ARHGEF10L: variants seen among roughly 807,000 people sequenced by gnomAD.
ARHGEF10L encodes rho guanine nucleotide exchange factor 10-like protein.
In ARHGEF10L, 69 loss-of-function variants were observed where a neutral mutation model predicts 141.2. That is an observed-to-expected ratio of 0.49 (90% CI 0.40 to 0.60). The LOEUF (loss-of-function observed/expected upper bound fraction) is 0.60. ARHGEF10L is among the 20% of genes least tolerant of loss of function. The probability of loss-of-function intolerance (pLI) is 0.00; values close to 1 mark genes in which losing one functional copy is unlikely to be tolerated. For missense variants in ARHGEF10L, 1,482 were observed against 1,734.3 expected (o/e 0.85, Z 2.58); for synonymous variants, 711 against 718.5 (o/e 0.99, Z 0.17).
chr1:17,645,524 G>T (rs1419867686), intron 21 of ARHGEF10L, among the ~76,000 whole-genome samples: 1 of 152,154 alleles, frequency 6.6e-6, no homozygotes, highest in Non-Finnish European at 1.5e-5. Flanking sequence ...AGGTTGTGGG[G>T]TGAGGAATTG....
At chr1:17,571,446 A>C (rs1207823262) in intron 1 of ARHGEF10L, among the ~76,000 whole-genome samples, 2 of 152,166 alleles carry the variant, frequency 1.3e-5, no homozygotes, top group Non-Finnish European at 2.9e-5. Context: ...TCCTCGGGGA[A>C]GTCTTGTAAA....
At chr1:17,635,119 C>T (rs565224861) in intron 18 of ARHGEF10L, 103 bp downstream of exon 18, 1 of 1,407,644 alleles carries the variant, frequency 7.1e-7, no homozygotes, top group Non-Finnish European at 9.7e-7. Context: ...GGGACCCCTA[C>T]ATAGGCTGAT....
At chr1:17,534,712 C>T (rs1401340044), upstream of ARHGEF10L, among the ~76,000 whole-genome samples, 1 of 151,758 alleles carries the variant, frequency 6.6e-6, no homozygotes, top group Non-Finnish European at 1.5e-5. Context: ...GCCTCAGCCT[C>T]CCTAGTAGCT....
At chr1:17,610,075 C>T (rs537923107) in intron 7 of ARHGEF10L, among the ~76,000 whole-genome samples, 3 of 152,176 alleles carry the variant, frequency 2.0e-5, no homozygotes, top group African/African-American at 4.8e-5. Context: ...GGAAACCATG[C>T]GTGTCTCTCA....
intron 22 of ARHGEF10L, among the ~76,000 whole-genome samples, chr1:17,652,765 G>A (rs1201031323): frequency 1.3e-5 from 2 of 152,134 alleles, no homozygotes; most frequent in African/African-American, 4.8e-5. Context: ...CTGGGGACAG[G>A]GCCTTGGGGA....
chr1:17,637,691 A>C (rs2061087476), intron 18 of ARHGEF10L, among the ~76,000 whole-genome samples, 197 bp from the exon 19 acceptor site: 1 of 152,110 alleles, frequency 6.6e-6, no homozygotes. Flanking sequence ...TTTTTAGTAC[A>C]GACGGGGTTT....
At chr1:17,527,381 C>G in the ARHGEF10L span, among the ~76,000 whole-genome samples, 1 of 152,198 alleles carries the variant, frequency 6.6e-6, no homozygotes, top group Non-Finnish European at 1.5e-5. Flanking sequence ...GCTCCACACA[C>G]AATTCTGAGA....
Position 17,656,833 on chromosome 1 carries a change from C to A in ARHGEF10L, c.2860+125C>A. 8.1e-7 allele frequency: 1 copy of A among 1,241,984 alleles called. No homozygotes were observed. The highest frequency in any genetic ancestry group is 1.1e-6 in the Non-Finnish European group (1 of 914,742). 76.9% of individuals were successfully genotyped at this position (1,241,984 alleles called of 1,614,324 possible). On this transcript the variant is annotated intron_variant, in intron 25 of 28. Transcript: ENST00000361221. The surrounding 1 kb of genome is among the most constrained non-coding windows in gnomAD (Gnocchi z 4.9). Reference sequence around the variant, plus strand: ...AATTGGGAAATCTCAGTGCTGAGGGCATTTGGAGATCCGTGAGCCCCGCTG... The same window carrying A: ...AATTGGGAAATCTCAGTGCTGAGGGAATTTGGAGATCCGTGAGCCCCGCTG...
chr1:17,576,152 G>T (rs1041268176), intron 1 of ARHGEF10L, among the ~76,000 whole-genome samples: 23 of 152,162 alleles, frequency 1.5e-4, no homozygotes, highest in African/African-American at 5.3e-4. Context: ...GAGGGATGGG[G>T]CAGCTTGATG....
At chr1:17,591,204 C>T (rs1222999156) in intron 4 of ARHGEF10L, among the ~76,000 whole-genome samples, 2 of 152,182 alleles carry the variant, frequency 1.3e-5, no homozygotes, top group African/African-American at 4.8e-5. Context: ...TGGTGCTGTG[C>T]TGAGCCACAG....
chr1:17,597,359 C>T (rs1570750025), intron 4 of ARHGEF10L, among the ~76,000 whole-genome samples: 1 of 152,114 alleles, frequency 6.6e-6, no homozygotes, highest in Non-Finnish European at 1.5e-5. Flanking sequence ...TGCGTGGCTT[C>T]CATGGACAGC....
In ARHGEF10L at chr1:17,665,611, G is replaced by A. The variant is rs1257770761; in HGVS notation, c.3009+1016G>A. Reference sequence around the variant, plus strand: ...TCAGTTCTGCCACTTACATCTGGGCGCCTCTGTGCTGGCTCCCGTGGGAGC... The same window carrying A: ...TCAGTTCTGCCACTTACATCTGGGCACCTCTGTGCTGGCTCCCGTGGGAGC... On this transcript the variant is annotated intron_variant, in intron 26 of 28. Transcript: ENST00000361221. Among the ~76,000 whole-genome samples the A allele has an allele frequency of 3.3e-5, 5 of 152,326 alleles. No homozygotes were observed. The East Asian group carries it at 5.8e-4, about 18-fold the overall frequency.
intron 4 of ARHGEF10L, among the ~76,000 whole-genome samples, chr1:17,590,988 A>AAAAC (rs567942256): frequency 6.6e-6 from 1 of 152,210 alleles, no homozygotes; most frequent in Non-Finnish European, 1.5e-5. Context: ...CTCTGTCTCA[A>AAAAC]AAACAAACAA....
chr1:17,638,471 C>T, intron 19 of ARHGEF10L, 91 bp from the exon 20 acceptor site: 1 of 1,558,824 alleles, frequency 6.4e-7, no homozygotes, highest in Non-Finnish European at 8.7e-7. Flanking sequence ...GTTTCTCTTC[C>T]TCTGGGGTGC....
At chr1:17,630,420 G>T (rs995921914) in intron 15 of ARHGEF10L, among the ~76,000 whole-genome samples, 2 of 152,240 alleles carry the variant, frequency 1.3e-5, no homozygotes, top group Non-Finnish European at 2.9e-5. Flanking sequence ...GGGGCGGGGG[G>T]CCCTGCTGTC....
At chr1:17,653,723 G>T (rs1289506774) in intron 22 of ARHGEF10L, among the ~76,000 whole-genome samples, 2 of 152,226 alleles carry the variant, frequency 1.3e-5, no homozygotes, top group Non-Finnish European at 2.9e-5. Flanking sequence ...AATAGAAAGA[G>T]CCCTGAACCA....
At chr1:17,668,407 C>T (rs940688147) in intron 26 of ARHGEF10L, among the ~76,000 whole-genome samples, 2 of 152,246 alleles carry the variant, frequency 1.3e-5, no homozygotes, top group African/African-American at 4.8e-5. Context: ...CTGGCTCTCA[C>T]CTGTTCTTGC....
At chr1:17,527,304 A>G in the ARHGEF10L span, among the ~76,000 whole-genome samples, 1 of 152,242 alleles carries the variant, frequency 6.6e-6, no homozygotes, top group Non-Finnish European at 1.5e-5. Context: ...GAGGATTTGT[A>G]GGTCAGCATG....
At chr1:17,689,800 C>T (rs1315834592) in intron 27 of ARHGEF10L, 1 of 455,570 alleles carries the variant, frequency 2.2e-6, no homozygotes, top group African/African-American at 2.0e-5. Flanking sequence ...TTTTAAAAAT[C>T]TTTGGAATCT....
Sources: allele counts gnomAD v4.1 joint callset (sites outside exome capture counted in the v4.1 genomes callset), GRCh38; gene constraint gnomAD v4.1.1; non-coding constraint Gnocchi (gnomAD v3.1); transcripts MANE v1.5; gene names NCBI Gene and HGNC (gene_info 2026-07-23, HGNC 2026-07-21).